The following NHS variants were observed in gnomAD, a reference collection of about 807,000 sequenced individuals.
The protein encoded by NHS is NHS actin remodeling regulator, also known as actin remodeling regulator NHS.
In NHS, 5 loss-of-function variants were observed where a neutral mutation model predicts 72.5. The ratio of observed to expected loss-of-function variants is 0.07; its 90% CI spans 0.04 to 0.14. NHS has a LOEUF of 0.14. Among genes scored for constraint, NHS ranks in the 10% least tolerant of loss-of-function variants. NHS has a pLI of 1.00. For missense variants in NHS, 1,072 were observed against 1,355.7 expected, an observed-to-expected ratio of 0.79 and a Z score of 3.29; for synonymous variants, 464 against 547.7, an observed-to-expected ratio of 0.85 and a Z score of 2.13.
At chrX:17,631,688 C>T (rs1193720381) in intron 1 of NHS, among the ~76,000 whole-genome samples, 1 of 112,044 alleles carries the variant, frequency 8.9e-6, no homozygotes, top group Non-Finnish European at 1.9e-5. Context: ...TGTATAAGAC[C>T]AAGCACTAAT....
At position 17,410,271 on chromosome X, in the gene NHS, AC is replaced by A. The variant is rs1429629608; in HGVS notation, c.565+33952del. Reference sequence around the variant, plus strand: ...TCCTCATCCTTCTGAAAATGATACCACCCTCATGTTAGCAACAGTATCGCTG... The same window carrying A: ...TCCTCATCCTTCTGAAAATGATACCACCTCATGTTAGCAACAGTATCGCTG... On this transcript the variant is annotated intron_variant, in intron 1 of 8. Coordinates refer to ENST00000676302, the MANE Select transcript of NHS (RefSeq NM_001291867.2). 1.1e-4 allele frequency among the ~76,000 whole-genome samples: 12 copies of A among 110,466 alleles called. 1 individual carries two copies. The Admixed American group carries it at 1.2e-3, about 11-fold the overall frequency.
At chrX:17,541,339 C>T (rs1385441005) in intron 1 of NHS, among the ~76,000 whole-genome samples, 1 of 111,872 alleles carries the variant, frequency 8.9e-6, no homozygotes, top group Non-Finnish European at 1.9e-5. Context: ...CTATGAGATG[C>T]GTAAAATGCT....
At chrX:17,682,948 C>G (rs2066138384) in intron 1 of NHS, among the ~76,000 whole-genome samples, 1 of 111,632 alleles carries the variant, frequency 9.0e-6, no homozygotes, top group South Asian at 3.8e-4. Context: ...CTTCCTCCTG[C>G]TCTTAGAAAC....
chrX:17,672,663 C>T (rs111649138), intron 1 of NHS, among the ~76,000 whole-genome samples: 170 of 112,383 alleles, frequency 1.5e-3, no homozygotes, highest in African/African-American at 5.3e-3. Context: ...GTCAGTAGGT[C>T]GCCATTGTCA....
chrX:17,471,920 T>C (rs1359126323), intron 1 of NHS, among the ~76,000 whole-genome samples: 2 of 110,351 alleles, frequency 1.8e-5, no homozygotes, highest in Non-Finnish European at 3.8e-5. Context: ...AGGGAGGGAA[T>C]TGATGGGAGC....
intron 1 of NHS, among the ~76,000 whole-genome samples, chrX:17,556,581 C>T (rs1255596156): frequency 8.9e-6 from 1 of 112,964 alleles, no homozygotes; most frequent in Non-Finnish European, 1.9e-5. Flanking sequence ...TAGTTACTAG[C>T]ATCATCTCCA....
At chrX:17,602,895 C>G (rs776959588) in intron 1 of NHS, among the ~76,000 whole-genome samples, 1 of 99,070 alleles carries the variant, frequency 1.0e-5, no homozygotes. Flanking sequence ...GGCTGGAATG[C>G]AGTGCTGTGG....
At position 17,528,241 on chromosome X, in the gene NHS, C is replaced by G. The variant is rs2065182266; in HGVS notation, c.565+151919C>G. Among the ~76,000 whole-genome samples the G allele has an allele frequency of 3.6e-5, 4 of 111,955 alleles. No individual in the cohort carries two copies. The Admixed American group carries it at 3.8e-4, about 11-fold the overall frequency. ...CCTACAATGCACAGTGCAGCCCCCA[C>G]AGCAGAGAATGATCCAGCCTCAAAT... On this transcript the variant is annotated intron_variant, in intron 1 of 8. Coordinates refer to ENST00000676302, the MANE Select transcript of NHS (RefSeq NM_001291867.2).
intron 1 of NHS, among the ~76,000 whole-genome samples, chrX:17,641,873 G>A (rs982420209): frequency 8.9e-6 from 1 of 112,193 alleles, no homozygotes; most frequent in Non-Finnish European, 1.9e-5. Context: ...TTCTAAGGAA[G>A]TGAGATTTGA....
At chrX:17,712,253 G>GTATATATATATA (rs1216194040) in intron 3 of NHS, among the ~76,000 whole-genome samples, 48 of 50,125 alleles carry the variant, frequency 9.6e-4, no homozygotes, top group East Asian at 2.8e-3. Context: ...TTGTGTGTGT[G>GTATATATATATA]TATATATATA....
At chrX:17,402,091 A>C (rs1447276499) in intron 1 of NHS, among the ~76,000 whole-genome samples, 1 of 112,203 alleles carries the variant, frequency 8.9e-6, no homozygotes, top group East Asian at 2.8e-4. Flanking sequence ...GATGCTCAAC[A>C]TCACTAGTCA....
chrX:17,635,663 A>T, intron 1 of NHS: 1 of 1,064,937 alleles, frequency 9.4e-7, no homozygotes, highest in Non-Finnish European at 1.3e-6. Context: ...GGTCTAACGA[A>T]GAGGGGCTTG....
Position 17,728,317 on chromosome X carries a change from C to G in NHS, c.4211C>G (p.Ala1404Gly). The change falls in exon 7 of 9, where the codon GCT becomes GGT. Residue 1404 changes from alanine to glycine, a missense_variant. Physicochemically the swap from Ala to Gly is moderately conservative, Grantham distance 60. Coordinates refer to ENST00000676302, the MANE Select transcript of NHS (RefSeq NM_001291867.2). ...GAGACCCAAGGAAATGTGGATGAGGCTTCATTGAAAGGTCAGTCACTGATA... is the reference window on the plus strand; with the variant it reads ...GAGACCCAAGGAAATGTGGATGAGGGTTCATTGAAAGGTCAGTCACTGATA... ...AEETQGNVDE[A>G]SLKESSPSDD... The G allele has an allele frequency of 8.3e-7, 1 of 1,210,058 alleles. No individual in the cohort carries two copies.
chrX:17,731,777 T>G, intron 8 of NHS, 81 bp from the exon 9 acceptor site: 1 of 1,121,169 alleles, frequency 8.9e-7, no homozygotes, highest in Non-Finnish European at 1.2e-6. Flanking sequence ...TAGACAGATG[T>G]GTGAATGCGA....
chrX:17,386,405 A>G (rs1321719155), intron 1 of NHS, among the ~76,000 whole-genome samples: 1 of 111,198 alleles, frequency 9.0e-6, no homozygotes, highest in Non-Finnish European at 1.9e-5. Context: ...TCATGCCTCT[A>G]ATCCCAGCAC....
intron 1 of NHS, among the ~76,000 whole-genome samples, chrX:17,459,571 T>C (rs2064839086): frequency 8.9e-6 from 1 of 112,375 alleles, no homozygotes; most frequent in South Asian, 3.7e-4. Flanking sequence ...AGAGCCTTGC[T>C]GTAAATCTAT....
At chrX:17,530,467 A>G (rs1450905068) in intron 1 of NHS, among the ~76,000 whole-genome samples, 1 of 111,270 alleles carries the variant, frequency 9.0e-6, no homozygotes, top group Non-Finnish European at 1.9e-5. Context: ...TGAAGGGATG[A>G]TTTGGACCCT....
chrX:17,460,596 C>T (rs1234367278), intron 1 of NHS, among the ~76,000 whole-genome samples: 1 of 111,252 alleles, frequency 9.0e-6, no homozygotes, highest in Non-Finnish European at 1.9e-5. Flanking sequence ...ACAGTTAATT[C>T]CAAATCACAC....
chrX:17,558,469 C>T (rs16980620), intron 1 of NHS, among the ~76,000 whole-genome samples: 11,964 of 111,840 alleles, frequency 0.11, 1,503 homozygotes, highest in African/African-American at 0.36. Flanking sequence ...CAAGAGTGCC[C>T]GTTGGCTAGA....
Sources: allele counts gnomAD v4.1 joint callset (sites outside exome capture counted in the v4.1 genomes callset), GRCh38; gene constraint gnomAD v4.1.1; transcripts MANE v1.5; gene names NCBI Gene and HGNC (gene_info 2026-07-23, HGNC 2026-07-21).